The following EPB41L3 variants were observed in gnomAD, a reference collection of about 807,000 sequenced individuals.
The protein encoded by EPB41L3 is erythrocyte membrane protein band 4.1 like 3, also known as band 4.1-like protein 3.
Under a neutral mutation model 127.1 loss-of-function variants are expected in EPB41L3, and 57 were observed. The observed-to-expected ratio is 0.45, with a 90% CI of 0.36 to 0.56. The LOEUF is 0.56. Among genes scored for constraint, EPB41L3 ranks in the 20% least tolerant of loss-of-function variants. The probability of loss-of-function intolerance (pLI) is 0.00; values close to 1 mark genes in which losing one functional copy is unlikely to be tolerated. For synonymous variants in EPB41L3, 572 were observed against 549.5 expected (o/e 1.04, Z -0.57); for missense variants, 1,273 against 1,372.2 (o/e 0.93, Z 1.14).
In EPB41L3 at chr18:5,434,010, G is replaced by A. The variant is rs368191543; in HGVS notation, c.717C>T (p.Asp239=). Residue 239 remains aspartate (D), a synonymous_variant, in exon 7 of 23, where the codon GAC becomes GAT. Coordinates refer to ENST00000341928, the MANE Select transcript of EPB41L3 (RefSeq NM_012307.5). ...GSYTVQSELG[D]YDPDECGSDY... ...CGCTCCCACATTCATCTGGGTCATA[G>A]TCTCCGAGCTCTGACTGGACAGTGT... is the stretch of plus-strand genomic sequence containing the variant. The A allele has an allele frequency of 4.3e-6, 7 of 1,614,050 alleles. No homozygotes were observed. Among genetic ancestry groups the A allele is most frequent in the Non-Finnish European group, 5.9e-6 (7 of 1,180,044 alleles).
At position 5,419,810 on chromosome 18, in the gene EPB41L3, A is replaced by G; in HGVS notation, c.1407T>C (p.Thr469=). Residue 469 remains threonine (T), a synonymous_variant, in exon 12 of 23, where the codon ACT becomes ACC. Coordinates refer to ENST00000341928, the MANE Select transcript of EPB41L3 (RefSeq NM_012307.5). ...ISQTNLITTV[T]PEKKAEEERD... Reference sequence around the variant, plus strand: ...GCTCCTCCTCAGCCTTCTTCTCCGGAGTCACAGTGGTGATCAAGTTGGTCT... The same window carrying G: ...GCTCCTCCTCAGCCTTCTTCTCCGGGGTCACAGTGGTGATCAAGTTGGTCT... 1 of 1,614,132 alleles carries G rather than the reference A, an allele frequency of 6.2e-7. No individual in the cohort carries two copies. The highest frequency in any genetic ancestry group is 8.5e-7 in the Non-Finnish European group (1 of 1,180,028).
At chr18:5,406,655 G>A (rs1313834450) in intron 16 of EPB41L3, 122 bp downstream of exon 16, 21 of 900,478 alleles carry the variant, frequency 2.3e-5, no homozygotes, top group Non-Finnish European at 3.1e-5. Context: ...CTCAGCTCAG[G>A]TTAAACATAG....
intron 3 of EPB41L3, among the ~76,000 whole-genome samples, chr18:5,474,509 G>A (rs1239987418): frequency 6.6e-6 from 1 of 152,096 alleles, no homozygotes; most frequent in Non-Finnish European, 1.5e-5. Context: ...TCTTTTACAG[G>A]TGACTATAAA....
In EPB41L3 at chr18:5,393,476, T is replaced by C; in HGVS notation, c.*9A>G. On this transcript the variant is annotated splice_region_variant and 3_prime_UTR_variant, in exon 23 of 23. Transcript: ENST00000341928. ...CTGCATTCATGTGCAAGCTAAGTTA[T>C]TCCTGCAAAAAAGACATTTGATTAG... is the stretch of plus-strand genomic sequence containing the variant. 1 of 701,624 alleles carries C rather than the reference T, an allele frequency of 1.4e-6. No individual in the cohort carries two copies. Among genetic ancestry groups the C allele is most frequent in the South Asian group, 1.5e-5 (1 of 67,376 alleles). 43.5% of individuals were successfully genotyped at this position (701,624 alleles called of 1,614,324 possible). A position where few individuals can be genotyped will look rare whatever the true frequency, so the allele number is the denominator to read the frequency against.
chr18:5,613,954 A>T (rs1335060322), intron 2 of EPB41L3, among the ~76,000 whole-genome samples: 3 of 152,246 alleles, frequency 2.0e-5, no homozygotes, highest in Non-Finnish European at 4.4e-5. Context: ...TCAATAGATA[A>T]CATGTATAAA....
In EPB41L3 at chr18:5,451,702, C is replaced by T. The variant is rs116872559; in HGVS notation, c.382-6458G>A. On this transcript the variant is annotated intron_variant, in intron 3 of 22. Transcript: ENST00000341928. ...AAAAGTATTTTTCTCACTAGCAAGC[C>T]GTAAGCAATGACACCGAAGCAATGT... Among the ~76,000 whole-genome samples the T allele has an allele frequency of 2.6e-3, 392 of 152,284 alleles. 1 individual carries two copies. The highest frequency in any genetic ancestry group is 6.6e-3 in the African/African-American group (273 of 41,542).
intron 3 of EPB41L3, among the ~76,000 whole-genome samples, chr18:5,595,046 T>C (rs1255097382): frequency 6.6e-6 from 1 of 152,184 alleles, no homozygotes; most frequent in Non-Finnish European, 1.5e-5. Context: ...TTGTTAGATC[T>C]CTAAAAATGA....
chr18:5,539,043 G>A (rs1475997787), intron 1 of EPB41L3, among the ~76,000 whole-genome samples: 1 of 125,458 alleles, frequency 8.0e-6, no homozygotes, highest in Non-Finnish European at 1.7e-5. Context: ...AGTTACAAAT[G>A]GCCCCATTTT....
intron 1 of EPB41L3, among the ~76,000 whole-genome samples, chr18:5,617,038 AACTG>A (rs1371842690): frequency 2.1e-4 from 32 of 152,296 alleles, no homozygotes; most frequent in African/African-American, 7.5e-4. Context: ...GATAATGCCT[AACTG>A]TTTTTCAATA....
In EPB41L3 at chr18:5,543,525, G is replaced by C. The variant is rs893493203; in HGVS notation, c.-12+388C>G. ...GGGGCAACTTAAAACATGGCGCCCC[G>C]GGCGGGGGATTTGTGCAAATTGGCG... is the stretch of plus-strand genomic sequence containing the variant. On this transcript the variant is annotated intron_variant, in intron 1 of 22. Transcript: ENST00000341928. This position sits in a 1 kb window ranked among gnomAD's most constrained non-coding sequence, Gnocchi z 5.2. 2.7e-5 allele frequency: 4 copies of C among 147,536 alleles called. No individual in the cohort carries two copies. Among genetic ancestry groups the C allele is most frequent in the Non-Finnish European group, 4.5e-5 (3 of 66,242 alleles). 9.1% of individuals were successfully genotyped at this position (147,536 alleles called of 1,614,324 possible).
intron 5 of EPB41L3, among the ~76,000 whole-genome samples, chr18:5,440,800 CTATT>C: frequency 6.6e-6 from 1 of 152,218 alleles, no homozygotes; most frequent in East Asian, 1.9e-4. Context: ...AAAATATAGT[CTATT>C]TAGAAATTTT....
At chr18:5,475,831 A>G (rs949260017) in intron 3 of EPB41L3, among the ~76,000 whole-genome samples, 2 of 152,194 alleles carry the variant, frequency 1.3e-5, no homozygotes, top group South Asian at 4.1e-4. Flanking sequence ...TATAGGCTTT[A>G]AAGCTCTACA....
chr18:5,458,939 A>C (rs1308815956), intron 3 of EPB41L3, among the ~76,000 whole-genome samples: 1 of 152,190 alleles, frequency 6.6e-6, no homozygotes, highest in East Asian at 1.9e-4. Flanking sequence ...CATGCTCTAT[A>C]AAGTACAGTT....
Position 5,397,961 on chromosome 18 carries a change from A to G in EPB41L3, c.2472+60T>C. The G allele has an allele frequency of 1.2e-6, 2 of 1,607,592 alleles. No individual in the cohort carries two copies. The highest frequency in any genetic ancestry group is 1.7e-6 in the Non-Finnish European group (2 of 1,176,646). On this transcript the variant is annotated intron_variant, in intron 17 of 22. Transcript: ENST00000341928. The surrounding 1 kb of genome is among the most constrained non-coding windows in gnomAD (Gnocchi z 4.1). ...CAACCACACACTCACGCCCAAAAAA[A>G]GGGTAAGGAAAGGCACATGGGCACA...
At chr18:5,573,762 G>A (rs1019804436) in intron 3 of EPB41L3, among the ~76,000 whole-genome samples, 7 of 151,968 alleles carry the variant, frequency 4.6e-5, no homozygotes, top group African/African-American at 1.7e-4. Flanking sequence ...TATTATTACA[G>A]TCACATTATG....
At chr18:5,560,629 C>G (rs550064892) in intron 3 of EPB41L3, among the ~76,000 whole-genome samples, 2 of 152,092 alleles carry the variant, frequency 1.3e-5, no homozygotes, top group Non-Finnish European at 2.9e-5. Context: ...TTTGCCGCAC[C>G]GTTCTGAAAA....
At chr18:5,484,460 C>T (rs937609127) in intron 2 of EPB41L3, among the ~76,000 whole-genome samples, 4 of 150,828 alleles carry the variant, frequency 2.7e-5, no homozygotes. Flanking sequence ...ATGAACCAAA[C>T]CCCAAATTAG....
intron 1 of EPB41L3, among the ~76,000 whole-genome samples, chr18:5,618,371 CA>C (rs1013762654): frequency 6.6e-6 from 1 of 152,132 alleles, no homozygotes; most frequent in Non-Finnish European, 1.5e-5. Flanking sequence ...CAATACCTCC[CA>C]AAATATGAGA....
chr18:5,552,549 A>G lies in EPB41L3; in HGVS notation c.-306+59791T>C, dbSNP rs755727432. Among the ~76,000 whole-genome samples the G allele has an allele frequency of 5.3e-5, 8 of 152,348 alleles. No homozygotes were observed. In the Middle Eastern group the frequency reaches 0.01, roughly 194 times the overall value. On this transcript the variant is annotated intron_variant, in intron 3 of 21. Transcript: ENST00000545076. ...AGTAGGAAATTGTGTCTAAGTGACT[A>G]TAACCTGACGTTTTATGAATTGGAT...
Sources: allele counts gnomAD v4.1 joint callset (sites outside exome capture counted in the v4.1 genomes callset), GRCh38; gene constraint gnomAD v4.1.1; non-coding constraint Gnocchi (gnomAD v3.1); transcripts MANE v1.5; gene names NCBI Gene and HGNC (gene_info 2026-07-23, HGNC 2026-07-21).